ITGA4: variants seen among roughly 807,000 people sequenced by gnomAD.
The protein encoded by ITGA4 is integrin alpha-4.
A neutral mutation model predicts 133.6 loss-of-function variants in ITGA4; 63 were observed. The observed-to-expected ratio is 0.47, with a 90% CI of 0.38 to 0.58. The LOEUF (loss-of-function observed/expected upper bound fraction) is 0.58. Among genes scored for constraint, ITGA4 ranks in the 20% least tolerant of loss-of-function variants. The pLI is 0.00. For synonymous variants in ITGA4, 483 were observed against 438.0 expected (o/e 1.10, Z -1.28); for missense variants, 1,076 against 1,252.7 (o/e 0.86, Z 2.13).
chr2:181,485,858 G>T (rs201616455), intron 9 of ITGA4, 23 bp from the exon 10 acceptor site: 176 of 1,570,298 alleles, frequency 1.1e-4, no homozygotes, highest in Admixed American at 2.0e-4. Flanking sequence ...ATAATGACAC[G>T]TTTTCTCTCC....
At chr2:181,479,624 T>C (rs1454043550) in intron 5 of ITGA4, 2 of 152,116 alleles carry the variant, frequency 1.3e-5, no homozygotes, top group African/African-American at 4.8e-5. Flanking sequence ...AATTTTCCTC[T>C]GTATAACAAA....
intron 9 of ITGA4, among the ~76,000 whole-genome samples, chr2:181,485,065 C>A (rs1185027444): frequency 6.6e-6 from 1 of 152,152 alleles, no homozygotes; most frequent in Non-Finnish European, 1.5e-5. Flanking sequence ...TGTAGTAACT[C>A]ATCTTCCTCC....
chr2:181,461,591 A>G (rs74792795), intron 2 of ITGA4, among the ~76,000 whole-genome samples: 1,673 of 152,292 alleles, frequency 0.011, 10 homozygotes, highest in Non-Finnish European at 0.018. Context: ...CAATTAATAT[A>G]GTTAAGCATA....
At chr2:181,459,571 G>A (rs1685216358) in intron 2 of ITGA4, among the ~76,000 whole-genome samples, 1 of 152,146 alleles carries the variant, frequency 6.6e-6, no homozygotes, top group Admixed American at 6.5e-5. Context: ...AAAAGTCTAC[G>A]AGTTGTCTGT....
chr2:181,461,563 G>A (rs1277605677), intron 2 of ITGA4, among the ~76,000 whole-genome samples: 1 of 151,864 alleles, frequency 6.6e-6, no homozygotes, highest in Non-Finnish European at 1.5e-5. Flanking sequence ...CTAAATTAAG[G>A]TGTCACAAAT....
At chr2:181,500,291 C>G (rs565821817) in intron 15 of ITGA4, among the ~76,000 whole-genome samples, 1 of 152,234 alleles carries the variant, frequency 6.6e-6, no homozygotes, top group East Asian at 1.9e-4. Flanking sequence ...CAAACCCACA[C>G]AGAAGATAAG....
chr2:181,481,979 G>A (rs925876736), intron 7 of ITGA4, among the ~76,000 whole-genome samples: 2 of 152,152 alleles, frequency 1.3e-5, no homozygotes, highest in African/African-American at 2.4e-5. Flanking sequence ...CTGAAAAGAA[G>A]TTGAGGTAGC....
Position 181,500,424 on chromosome 2 carries a change from T to C in ITGA4, c.1695+1647T>C, listed in dbSNP as rs148488210. Among the ~76,000 whole-genome samples the C allele has an allele frequency of 8.8e-3, 1,347 of 152,220 alleles. 19 individuals carry two copies. Among genetic ancestry groups the C allele is most frequent in the African/African-American group, 0.029 (1,223 of 41,544 alleles). On this transcript the variant is annotated intron_variant, in intron 15 of 27. Transcript: ENST00000397033. ...CCACCAGGGTAATAGCCCAAGGCAT[T>C]AGGAAACATTAACACTCTTAAGTTT...
Position 181,537,078 on chromosome 2 carries a change from A to G in ITGA4, c.*1551A>G. ...TGTAAGCACAAAACCTCCTGAACCC[A>G]GAGTGTGTATACACAGGAATAAACT... On this transcript the variant is annotated 3_prime_UTR_variant, in exon 28 of 28. Coordinates refer to ENST00000397033, the MANE Select transcript of ITGA4 (RefSeq NM_000885.6). 2.2e-6 allele frequency: 1 copy of G among 447,542 alleles called. No individual in the cohort carries two copies. Among genetic ancestry groups the G allele is most frequent in the African/African-American group, 2.0e-5 (1 of 49,728 alleles). 27.7% of individuals were successfully genotyped at this position (447,542 alleles called of 1,614,324 possible). A position where few individuals can be genotyped will look rare whatever the true frequency, so the allele number is the denominator to read the frequency against.
In ITGA4 at chr2:181,537,823, GTT is replaced by G. The variant is rs1491125320; in HGVS notation, c.*2297_*2298del. On this transcript the variant is annotated 3_prime_UTR_variant, in exon 28 of 28. Coordinates refer to ENST00000397033, the MANE Select transcript of ITGA4 (RefSeq NM_000885.6). ...ACTTTTAAAGCCCTAGAGGCTAATT[GTT>G]AGTAACATCAATTTCTATTAGGATA... is the stretch of plus-strand genomic sequence containing the variant. The G allele has an allele frequency of 4.2e-6, 2 of 478,984 alleles. No individual in the cohort carries two copies. Among genetic ancestry groups the G allele is most frequent in the South Asian group, 3.1e-5 (2 of 64,598 alleles). 29.7% of individuals were successfully genotyped at this position (478,984 alleles called of 1,614,324 possible).
rs7602504 is a variant in ITGA4, at chr2:181,522,406, A to G, written c.2073+65A>G. 0.59 allele frequency: 681,925 copies of G among 1,152,172 alleles called. 205,493 individuals carry two copies. Among genetic ancestry groups the G allele is most frequent in the South Asian group, 0.84 (49,827 of 59,042 alleles). 71.4% of individuals were successfully genotyped at this position (1,152,172 alleles called of 1,614,324 possible). The stretch of plus-strand genomic sequence containing the variant: ...ATTTTACTTAATTTTTTAAAAGTAA[A>G]TGGTAGAATTCACTTCACTGATTTG... On this transcript the variant is annotated intron_variant, in intron 18 of 27. Transcript: ENST00000397033.
intron 10 of ITGA4, among the ~76,000 whole-genome samples, chr2:181,492,290 A>T (rs1000011736): frequency 6.6e-6 from 1 of 152,258 alleles, no homozygotes; most frequent in African/African-American, 2.4e-5. Context: ...TTTCTTTTTA[A>T]CTGAAAATAG....
chr2:181,527,867 A>T (rs1686866479), intron 22 of ITGA4, among the ~76,000 whole-genome samples: 1 of 152,218 alleles, frequency 6.6e-6, no homozygotes. Flanking sequence ...GACCTGTGAC[A>T]AGTGCTTTAT....
At chr2:181,481,234 C>T (rs936263866) in intron 6 of ITGA4, among the ~76,000 whole-genome samples, 2 of 152,122 alleles carry the variant, frequency 1.3e-5, no homozygotes, top group African/African-American at 4.8e-5. Flanking sequence ...AGTTGAACTT[C>T]AGCAAGATGT....
At chr2:181,527,414 T>A in intron 22 of ITGA4, 27 bp downstream of exon 22, 2 of 1,465,534 alleles carry the variant, frequency 1.4e-6, no homozygotes, top group Non-Finnish European at 9.6e-7. Context: ...GTGTTAATAT[T>A]TGTAACAACC....
chr2:181,462,619 A>G (rs1685312380), intron 2 of ITGA4, among the ~76,000 whole-genome samples: 1 of 152,194 alleles, frequency 6.6e-6, no homozygotes, highest in Non-Finnish European at 1.5e-5. Context: ...AGGCTGTTAT[A>G]CAATTATGTA....
chr2:181,490,500 T>A (rs1466020293), intron 10 of ITGA4, among the ~76,000 whole-genome samples: 2 of 148,252 alleles, frequency 1.3e-5, no homozygotes, highest in Non-Finnish European at 3.0e-5. Context: ...TGTGTGTGTG[T>A]GTGTGTGTGT....
At position 181,523,187 on chromosome 2, in the gene ITGA4, T is replaced by G; in HGVS notation, c.2074-250T>G. 1 of 276,812 alleles carries G rather than the reference T, an allele frequency of 3.6e-6. No homozygotes were observed. The highest frequency in any genetic ancestry group is 6.1e-5 in the East Asian group (1 of 16,292). The allele number at this position is 276,812 out of a possible 1,614,324, so 17.1% of individuals were successfully genotyped here. On this transcript the variant is annotated intron_variant, in intron 18 of 27. Transcript: ENST00000397033. This position sits in a 1 kb window ranked among gnomAD's most constrained non-coding sequence, Gnocchi z 4.2. ...ATGTATATACACACACACATACACA[T>G]ACACATATATATACACACACATATA...
rs1421097252 is a variant in ITGA4, at chr2:181,538,043, G to A, written c.*2516G>A. The A allele has an allele frequency of 5.7e-6, 4 of 701,166 alleles. No homozygotes were observed. The East Asian group carries it at 1.1e-4, about 19-fold the overall frequency. The allele number at this position is 701,166 out of a possible 1,614,324, so 43.4% of individuals were successfully genotyped here. A position where few individuals can be genotyped will look rare whatever the true frequency, so the allele number is the denominator to read the frequency against. ...GATCTGAGGTGGAACAGTTCATCCTGAAACCATTCCCCCATCCACGGAAAA... is the reference window on the plus strand; with the variant it reads ...GATCTGAGGTGGAACAGTTCATCCTAAAACCATTCCCCCATCCACGGAAAA... On this transcript the variant is annotated 3_prime_UTR_variant, in exon 28 of 28. Transcript: ENST00000397033.
Sources: gnomAD v4.1 joint callset for allele counts (sites outside exome capture counted in the v4.1 genomes callset) on GRCh38, gnomAD v4.1.1 for gene constraint, Gnocchi (gnomAD v3.1) non-coding constraint, MANE v1.5 for transcripts, NCBI Gene and HGNC (gene_info 2026-07-23, HGNC 2026-07-21) for gene names.